The following EPHB1 variants were observed in gnomAD, a reference collection of about 807,000 sequenced individuals.
EPHB1 encodes EPH receptor B1.
In EPHB1, 30 loss-of-function variants were observed where a neutral mutation model predicts 94.4. The observed-to-expected ratio is 0.32, with a 90% CI of 0.24 to 0.43. The LOEUF is 0.43. Among genes scored for constraint, EPHB1 ranks in the 20% least tolerant of loss-of-function variants. EPHB1 has a pLI of 1.00. For synonymous variants in EPHB1, 522 were observed against 489.1 expected (o/e 1.07, Z -0.89); for missense variants, 1,055 against 1,308.3 (o/e 0.81, Z 2.99).
intron 3 of EPHB1, among the ~76,000 whole-genome samples, chr3:134,964,616 G>T (rs1379420448): frequency 6.6e-6 from 1 of 152,190 alleles, no homozygotes; most frequent in African/African-American, 2.4e-5. Context: ...CTTCCATTTG[G>T]TTTCTGGGTC....
intron 1 of EPHB1, among the ~76,000 whole-genome samples, chr3:134,886,222 T>C (rs963177704): frequency 6.6e-6 from 1 of 152,186 alleles, no homozygotes; most frequent in Non-Finnish European, 1.5e-5. Flanking sequence ...TGTGTGGTCC[T>C]GTTCACGTGT....
intron 3 of EPHB1, among the ~76,000 whole-genome samples, chr3:135,022,138 C>A (rs1292319915): frequency 6.6e-6 from 1 of 152,174 alleles, no homozygotes. Flanking sequence ...CGCCACCATG[C>A]CCGGCTAATT....
At chr3:134,943,875 C>A (rs1225384021) in intron 2 of EPHB1, among the ~76,000 whole-genome samples, 1 of 152,062 alleles carries the variant, frequency 6.6e-6, no homozygotes, top group Admixed American at 6.6e-5. Flanking sequence ...ATAATGGAGA[C>A]CGTGCGAGCA....
intron 1 of EPHB1, chr3:134,852,664 G>GGTGT (rs143990053): frequency 0.2 from 30,286 of 149,474 alleles, 3,337 homozygotes; most frequent in South Asian, 0.3. Flanking sequence ...GTAAATGTGG[G>GGTGT]GTGTGTGTGT....
In EPHB1 at chr3:134,873,194, G is replaced by C. The variant is rs141518242; in HGVS notation, c.59-52622G>C. Among the ~76,000 whole-genome samples the C allele has an allele frequency of 8.7e-3, 1,319 of 152,332 alleles. 19 individuals carry two copies. Among genetic ancestry groups the C allele is most frequent in the South Asian group, 0.076 (365 of 4,824 alleles). Reference sequence around the variant, plus strand: ...AGGAAGGAGGGAGGGAAGAGAGCAAGAGCGAGAGGTTATGACAGCAGGCTT... The same window carrying C: ...AGGAAGGAGGGAGGGAAGAGAGCAACAGCGAGAGGTTATGACAGCAGGCTT... On this transcript the variant is annotated intron_variant, in intron 1 of 15. Coordinates refer to ENST00000398015, the MANE Select transcript of EPHB1 (RefSeq NM_004441.5).
In EPHB1 at chr3:134,888,761, T is replaced by C. The variant is rs1371451699; in HGVS notation, c.59-37055T>C. The stretch of plus-strand genomic sequence containing the variant: ...TTCTTCCTGAAAATCATAAGGCATA[T>C]CTTCCCAGAGGGCCAGTGTAATTTA... On this transcript the variant is annotated intron_variant, in intron 1 of 15. Transcript: ENST00000398015. Among the ~76,000 whole-genome samples the C allele has an allele frequency of 2.6e-5, 4 of 151,626 alleles. No individual in the cohort carries two copies. In the East Asian group the frequency reaches 5.8e-4, roughly 22 times the overall value.
At chr3:135,226,926 C>T (rs1227587490) in intron 12 of EPHB1, among the ~76,000 whole-genome samples, 1 of 151,648 alleles carries the variant, frequency 6.6e-6, no homozygotes, top group Non-Finnish European at 1.5e-5. Context: ...AAAGGAAAAC[C>T]AAATACCACC....
intron 12 of EPHB1, among the ~76,000 whole-genome samples, chr3:135,204,113 A>C (rs1942832982): frequency 6.6e-6 from 1 of 152,210 alleles, no homozygotes; most frequent in Non-Finnish European, 1.5e-5. Flanking sequence ...CATCGTGGAA[A>C]ATGGGGTATT....
intron 11 of EPHB1, among the ~76,000 whole-genome samples, chr3:135,196,786 A>G (rs1289177602): frequency 2.0e-5 from 3 of 152,180 alleles, no homozygotes; most frequent in Non-Finnish European, 2.9e-5. Flanking sequence ...CTAGCCCTGA[A>G]TCAGCATCTG....
intron 12 of EPHB1, among the ~76,000 whole-genome samples, chr3:135,202,834 C>G (rs894922130): frequency 3.9e-5 from 6 of 152,126 alleles, no homozygotes; most frequent in African/African-American, 1.4e-4. Context: ...ATATCTAGAA[C>G]CAGAAATACC....
intron 3 of EPHB1, among the ~76,000 whole-genome samples, chr3:135,094,387 T>C (rs1938674881): frequency 6.6e-6 from 1 of 152,158 alleles, no homozygotes; most frequent in Non-Finnish European, 1.5e-5. Context: ...CCATGTCCAG[T>C]GTGTAGGCTC....
intron 12 of EPHB1, among the ~76,000 whole-genome samples, chr3:135,214,032 C>G (rs1315923567): frequency 1.3e-5 from 2 of 152,166 alleles, no homozygotes; most frequent in Non-Finnish European, 2.9e-5. Context: ...TCTCAAACTC[C>G]CGGTTCCTCT....
At chr3:135,237,174 C>G (rs937473172) in intron 12 of EPHB1, among the ~76,000 whole-genome samples, 1 of 151,952 alleles carries the variant, frequency 6.6e-6, no homozygotes, top group Non-Finnish European at 1.5e-5. Flanking sequence ...CTGTTGGCAT[C>G]ACACCTGCTG....
At chr3:135,175,054 G>C (rs1941936445) in intron 9 of EPHB1, among the ~76,000 whole-genome samples, 1 of 152,104 alleles carries the variant, frequency 6.6e-6, no homozygotes. Flanking sequence ...GAATGCACAG[G>C]AGGCCTGGAT....
chr3:134,849,874 G>A (rs1049867457), intron 1 of EPHB1, among the ~76,000 whole-genome samples: 2 of 152,170 alleles, frequency 1.3e-5, no homozygotes, highest in Non-Finnish European at 2.9e-5. Context: ...ACTGGGCTGG[G>A]CTGGGGGGAT....
intron 1 of EPHB1, among the ~76,000 whole-genome samples, chr3:134,816,913 C>G (rs1038274440): frequency 1.3e-5 from 2 of 152,026 alleles, no homozygotes; most frequent in Non-Finnish European, 2.9e-5. Flanking sequence ...GTGAGCAGGT[C>G]TGGACGAATT....
rs1933018823 is a variant in EPHB1 at position 134,951,305 on chromosome 3, A to G, written c.124-66A>G. On this transcript the variant is annotated intron_variant, in intron 2 of 15. Coordinates refer to ENST00000398015, the MANE Select transcript of EPHB1 (RefSeq NM_004441.5). The surrounding 1 kb of genome is among the most constrained non-coding windows in gnomAD (Gnocchi z 4.5). Reference sequence around the variant, plus strand: ...CCCAGGATTCTCCTCTGCTATGCCTATTTTTGTATTCTCACTCTCTATTTT... The same window carrying G: ...CCCAGGATTCTCCTCTGCTATGCCTGTTTTTGTATTCTCACTCTCTATTTT... 8.4e-6 allele frequency: 12 copies of G among 1,426,002 alleles called. No individual in the cohort carries two copies. The highest frequency in any genetic ancestry group is 2.9e-5 in the African/African-American group (2 of 69,736). 88.3% of individuals were successfully genotyped at this position (1,426,002 alleles called of 1,614,324 possible).
Position 135,230,159 on chromosome 3 carries a change from T to G in EPHB1, c.2347-10989T>G, listed in dbSNP as rs747409100. On this transcript the variant is annotated intron_variant, in intron 12 of 15. Transcript: ENST00000398015. ...AATGGATGAAACACTGGACGTGGCC[T>G]GGAAACAGAAGGGGAGATAGTGGGG... Among the ~76,000 whole-genome samples, 4 of 152,162 alleles carry G rather than the reference T, an allele frequency of 2.6e-5. No homozygotes were observed. In the East Asian group the frequency reaches 7.7e-4, roughly 29 times the overall value.
At chr3:134,985,506 T>C (rs921682858) in intron 3 of EPHB1, among the ~76,000 whole-genome samples, 7 of 152,184 alleles carry the variant, frequency 4.6e-5, no homozygotes, top group African/African-American at 1.4e-4. Flanking sequence ...GGTTTTCTCT[T>C]GGAATCATTG....
Sources: gnomAD v4.1 joint callset for allele counts (sites outside exome capture counted in the v4.1 genomes callset) on GRCh38, gnomAD v4.1.1 for gene constraint, Gnocchi (gnomAD v3.1) non-coding constraint, MANE v1.5 for transcripts, NCBI Gene and HGNC (gene_info 2026-07-23, HGNC 2026-07-21) for gene names.